GALNTL6: variants seen among roughly 807,000 people sequenced by gnomAD.
GALNTL6 encodes polypeptide N-acetylgalactosaminyltransferase like 6, also known as polypeptide N-acetylgalactosaminyltransferase-like 6.
GALNTL6 carries 46 observed loss-of-function variants against 73.7 expected under a neutral mutation model. The observed-to-expected ratio is 0.62, with a 90% CI of 0.49 to 0.80. The LOEUF is 0.80. GALNTL6 is among the 30% of genes least tolerant of loss of function. GALNTL6 has a pLI of 0.00. For synonymous variants in GALNTL6, 259 were observed against 263.7 expected, an observed-to-expected ratio of 0.98 and a Z score of 0.17; for missense variants, 604 against 755.0, an observed-to-expected ratio of 0.80 and a Z score of 2.34.
chr4:171,914,887 G>T (rs1737574582), intron 2 of GALNTL6, among the ~76,000 whole-genome samples: 1 of 151,248 alleles, frequency 6.6e-6, no homozygotes, highest in African/African-American at 2.4e-5. Flanking sequence ...TTTATTTTAA[G>T]CTGGTAATCT....
At chr4:171,965,955 C>G (rs946777837) in intron 2 of GALNTL6, among the ~76,000 whole-genome samples, 1 of 152,088 alleles carries the variant, frequency 6.6e-6, no homozygotes, top group Admixed American at 6.5e-5. Context: ...TCTTATTGGT[C>G]AGAACTATTG....
At chr4:172,206,805 G>GTTTGTTTTT (rs1554003003) in intron 2 of GALNTL6, among the ~76,000 whole-genome samples, 374 of 26,144 alleles carry the variant, frequency 0.014, 23 homozygotes, top group Middle Eastern at 0.033. Flanking sequence ...TTGTTTTTCT[G>GTTTGTTTTT]TTTTTTTTGT....
At chr4:172,171,549 C>G (rs1239733041) in intron 2 of GALNTL6, among the ~76,000 whole-genome samples, 2 of 151,912 alleles carry the variant, frequency 1.3e-5, no homozygotes, top group African/African-American at 2.4e-5. Flanking sequence ...GGGCAGGAGG[C>G]TAGGTGCGGT....
chr4:172,279,147 A>G (rs1240245318), intron 3 of GALNTL6, among the ~76,000 whole-genome samples: 1 of 152,122 alleles, frequency 6.6e-6, no homozygotes, highest in African/African-American at 2.4e-5. Context: ...GTTTCATGAC[A>G]CTGGATTTTG....
At chr4:172,500,334 T>C (rs905127700) in intron 5 of GALNTL6, among the ~76,000 whole-genome samples, 1 of 152,188 alleles carries the variant, frequency 6.6e-6, no homozygotes. Flanking sequence ...GACAGGAGGA[T>C]GGCTTGAGCC....
intron 10 of GALNTL6, among the ~76,000 whole-genome samples, chr4:172,999,095 T>C (rs1224587406): frequency 6.6e-6 from 1 of 151,644 alleles, no homozygotes; most frequent in African/African-American, 2.4e-5. Flanking sequence ...GGCTGAGGAA[T>C]GTGAGCAAGG....
chr4:172,727,281 G>GAA (rs1169617796), intron 5 of GALNTL6, among the ~76,000 whole-genome samples: 1 of 152,144 alleles, frequency 6.6e-6, no homozygotes, highest in African/African-American at 2.4e-5. Context: ...TTCATCTGCA[G>GAA]AAAGTCATAT....
intron 2 of GALNTL6, among the ~76,000 whole-genome samples, chr4:171,818,123 T>C (rs1414297359): frequency 1.3e-5 from 2 of 151,840 alleles, no homozygotes; most frequent in East Asian, 1.9e-4. Context: ...CATTTTTCTG[T>C]TTAAACATTT....
chr4:172,729,616 A>G (rs1392502978), intron 5 of GALNTL6, among the ~76,000 whole-genome samples: 2 of 152,118 alleles, frequency 1.3e-5, no homozygotes, highest in Non-Finnish European at 2.9e-5. Context: ...TGTGAGTACC[A>G]TGCTGTTTTT....
rs547429096 is a variant in GALNTL6, at chr4:171,955,661, A to C, written c.138+140943A>C. ...ATAATGACAAGAAAAAAATGTTGGT[A>C]CATGTTTAGTACAGATGCAAATTTT... On this transcript the variant is annotated intron_variant, in intron 2 of 12. Transcript: ENST00000506823. Among the ~76,000 whole-genome samples the C allele has an allele frequency of 2.6e-5, 4 of 152,246 alleles. No individual in the cohort carries two copies. In the South Asian group the frequency reaches 8.3e-4, roughly 32 times the overall value.
chr4:172,996,947 G>A (rs1319549639), intron 10 of GALNTL6, among the ~76,000 whole-genome samples: 2 of 152,052 alleles, frequency 1.3e-5, no homozygotes, highest in African/African-American at 4.8e-5. Context: ...TTGTGCCACC[G>A]CAGCCTCCCC....
chr4:172,319,816 T>C (rs1336239725), intron 4 of GALNTL6, among the ~76,000 whole-genome samples: 1 of 152,148 alleles, frequency 6.6e-6, no homozygotes, highest in African/African-American at 2.4e-5. Flanking sequence ...TTTAAAAATA[T>C]CTAAGTCTCT....
intron 2 of GALNTL6, among the ~76,000 whole-genome samples, chr4:171,976,858 T>C (rs963168952): frequency 6.6e-6 from 1 of 152,148 alleles, no homozygotes; most frequent in African/African-American, 2.4e-5. Context: ...CTCTAAAGAA[T>C]ACAAGAAAAA....
At chr4:172,672,840 G>A (rs1420043777) in intron 5 of GALNTL6, among the ~76,000 whole-genome samples, 1 of 152,046 alleles carries the variant, frequency 6.6e-6, no homozygotes, top group African/African-American at 2.4e-5. Flanking sequence ...TCTGATGGTT[G>A]TTTGTCTTTC....
At chr4:172,395,035 A>G (rs1743799190) in intron 5 of GALNTL6, among the ~76,000 whole-genome samples, 1 of 152,182 alleles carries the variant, frequency 6.6e-6, no homozygotes. Context: ...AGTCTGTGTT[A>G]TCAGGATTAT....
At chr4:171,933,569 A>G (rs914787411) in intron 2 of GALNTL6, among the ~76,000 whole-genome samples, 6 of 152,146 alleles carry the variant, frequency 3.9e-5, no homozygotes, top group Admixed American at 3.9e-4. Flanking sequence ...AGATAGATAT[A>G]TAGTTTATTA....
At chr4:172,834,104 G>A (rs796387089) in intron 7 of GALNTL6, among the ~76,000 whole-genome samples, 11 of 152,044 alleles carry the variant, frequency 7.2e-5, no homozygotes, top group African/African-American at 2.7e-4. Flanking sequence ...GCAACAAGAG[G>A]GAAACTCCAT....
Position 172,372,990 on chromosome 4 carries a change from C to T in GALNTL6, c.553+24301C>T, listed in dbSNP as rs139520904. On this transcript the variant is annotated intron_variant, in intron 5 of 12. Coordinates refer to ENST00000506823, the MANE Select transcript of GALNTL6 (RefSeq NM_001034845.3). The stretch of plus-strand genomic sequence containing the variant: ...GGCAAAGCTGGGCTTTCGACCTACA[C>T]ACCTTGTACCCTTGATCGGCTAGAA... Among the ~76,000 whole-genome samples, 143 of 152,294 alleles carry T rather than the reference C, an allele frequency of 9.4e-4. 2 individuals carry two copies. The highest frequency in any genetic ancestry group is 3.4e-3 in the African/African-American group (140 of 41,562).
chr4:171,919,690 A>G (rs1737727685), intron 2 of GALNTL6, among the ~76,000 whole-genome samples: 1 of 152,166 alleles, frequency 6.6e-6, no homozygotes, highest in South Asian at 2.1e-4. Flanking sequence ...TCTCAACAAA[A>G]AAAAAGAAAG....
Sources: allele counts gnomAD v4.1 joint callset (sites outside exome capture counted in the v4.1 genomes callset), GRCh38; gene constraint gnomAD v4.1.1; transcripts MANE v1.5; gene names NCBI Gene and HGNC (gene_info 2026-07-23, HGNC 2026-07-21).